Variants in SMYD3 observed in about 807,000 individuals in gnomAD.
SMYD3 encodes SET and MYND domain containing 3, also known as histone-lysine N-methyltransferase SMYD3.
SMYD3 carries 36 observed loss-of-function variants against 57.7 expected under a neutral mutation model. That is an observed-to-expected ratio of 0.62 (90% CI 0.48 to 0.82). The LOEUF (loss-of-function observed/expected upper bound fraction) is 0.82. Among genes scored for constraint, SMYD3 ranks in the 40% least tolerant of loss-of-function variants. The pLI is 0.00. For missense variants in SMYD3, 515 were observed against 538.8 expected (o/e 0.96, Z 0.44); for synonymous variants, 211 against 195.0 (o/e 1.08, Z -0.68).
chr1:246,282,772 A>G (rs1278627223), intron 5 of SMYD3, among the ~76,000 whole-genome samples: 1 of 152,212 alleles, frequency 6.6e-6, no homozygotes, highest in Non-Finnish European at 1.5e-5. Flanking sequence ...TGTTATGGGG[A>G]AAAATGATAA....
intron 5 of SMYD3, among the ~76,000 whole-genome samples, chr1:246,307,679 A>C (rs1038240961): frequency 6.6e-6 from 1 of 152,036 alleles, no homozygotes; most frequent in Non-Finnish European, 1.5e-5. Flanking sequence ...TCGGCCTCCC[A>C]AAGTGCTGGG....
intron 1 of SMYD3, among the ~76,000 whole-genome samples, chr1:246,434,181 TTC>T (rs2067336790): frequency 6.6e-6 from 1 of 152,214 alleles, no homozygotes; most frequent in Non-Finnish European, 1.5e-5. Context: ...AAAACCATTC[TTC>T]TAAAGGATTG....
intron 5 of SMYD3, among the ~76,000 whole-genome samples, chr1:246,255,894 T>C (rs2063876824): frequency 6.6e-6 from 1 of 150,920 alleles, no homozygotes; most frequent in Admixed American, 6.6e-5. Context: ...GTGTGTGTAT[T>C]AGTCAGGGTT....
chr1:245,948,773 CA>C (rs1167075660), intron 5 of SMYD3, among the ~76,000 whole-genome samples: 1 of 152,170 alleles, frequency 6.6e-6, no homozygotes, highest in East Asian at 1.9e-4. Context: ...GCCCCAGCAG[CA>C]AGGCCACCAT....
intron 5 of SMYD3, among the ~76,000 whole-genome samples, chr1:246,233,538 C>T: frequency 7.2e-6 from 1 of 139,504 alleles, no homozygotes; most frequent in Non-Finnish European, 1.6e-5. Flanking sequence ...GAGAAGCACT[C>T]CTTCAATCCA....
At chr1:245,802,903 C>G (rs1472083786) in intron 10 of SMYD3, among the ~76,000 whole-genome samples, 2 of 152,194 alleles carry the variant, frequency 1.3e-5, no homozygotes, top group African/African-American at 4.8e-5. Context: ...ATCAGATCAC[C>G]TTTAAAGTCT....
At chr1:246,279,246 C>T (rs1436498875) in intron 5 of SMYD3, among the ~76,000 whole-genome samples, 1 of 152,168 alleles carries the variant, frequency 6.6e-6, no homozygotes, top group Admixed American at 6.5e-5. Flanking sequence ...ACCAGCCGGG[C>T]GCGGTGGCTC....
rs75529058 is a variant in SMYD3 at position 246,324,772 on chromosome 1, A to T, written c.531+2429T>A. Among the ~76,000 whole-genome samples the T allele has an allele frequency of 0.018, 2,657 of 151,446 alleles. 184 individuals are homozygous for T. The East Asian group carries it at 0.19, about 11-fold the overall frequency. On this transcript the variant is annotated intron_variant, in intron 5 of 11. Transcript: ENST00000490107. Reference sequence around the variant, plus strand: ...TGGTGCCCGTTTCTTCTCTTTGATTAATTAATTTTATACCAGAGTAAAATG... The same window carrying T: ...TGGTGCCCGTTTCTTCTCTTTGATTTATTAATTTTATACCAGAGTAAAATG...
chr1:246,331,603 ATAATCTACCTTC>A (rs1256692428), intron 3 of SMYD3, among the ~76,000 whole-genome samples: 1 of 152,230 alleles, frequency 6.6e-6, no homozygotes, highest in Non-Finnish European at 1.5e-5. Context: ...ACTCCCTGGA[ATAATCTACCTTC>A]TACATTAACA....
At chr1:246,072,297 G>A (rs1286112683) in intron 5 of SMYD3, among the ~76,000 whole-genome samples, 27 of 143,982 alleles carry the variant, frequency 1.9e-4, no homozygotes, top group African/African-American at 6.0e-4. Flanking sequence ...CATCGTGTTA[G>A]TTCTGGGGAG....
chr1:246,019,858 T>C (rs1377582293), intron 5 of SMYD3, among the ~76,000 whole-genome samples: 25 of 152,218 alleles, frequency 1.6e-4, no homozygotes, highest in Admixed American at 1.6e-3. Flanking sequence ...TGTTGCTTTC[T>C]TGGAACTCAG....
chr1:245,980,693 C>CA (rs1240371918), intron 5 of SMYD3, among the ~76,000 whole-genome samples: 7 of 152,254 alleles, frequency 4.6e-5, no homozygotes, highest in Non-Finnish European at 8.8e-5. Context: ...AACTCTGCAA[C>CA]AGGCAGCAAA....
intron 5 of SMYD3, among the ~76,000 whole-genome samples, chr1:245,946,206 A>G (rs1327351912): frequency 6.6e-6 from 1 of 152,200 alleles, no homozygotes. Flanking sequence ...AGAGCCAGAA[A>G]GGAGATACAG....
intron 5 of SMYD3, among the ~76,000 whole-genome samples, chr1:246,088,271 CTCTT>C (rs1011192555): frequency 3.9e-5 from 6 of 152,038 alleles, no homozygotes; most frequent in African/African-American, 1.4e-4. Context: ...CTCCTTCTTT[CTCTT>C]TCTTTCTCTC....
At chr1:246,155,949 T>C (rs886282614) in intron 5 of SMYD3, among the ~76,000 whole-genome samples, 4 of 152,018 alleles carry the variant, frequency 2.6e-5, no homozygotes, top group African/African-American at 9.7e-5. Flanking sequence ...ATTGTGCCAC[T>C]GTACTCCAGC....
chr1:246,222,313 A>G lies in SMYD3; in HGVS notation c.531+104888T>C, dbSNP rs542993864. On this transcript the variant is annotated intron_variant, in intron 5 of 11. Coordinates refer to ENST00000490107, the MANE Select transcript of SMYD3 (RefSeq NM_001167740.2). Reference sequence around the variant, plus strand: ...CATAGCTCTAAGAAATAGATATTACAGGTATTATTACGGACTTTATTATCG... The same window carrying G: ...CATAGCTCTAAGAAATAGATATTACGGGTATTATTACGGACTTTATTATCG... 5.3e-5 allele frequency among the ~76,000 whole-genome samples: 8 copies of G among 152,298 alleles called. No individual in the cohort carries two copies. The East Asian group carries it at 1.5e-3, about 29-fold the overall frequency.
At chr1:245,945,889 C>T (rs2057413167) in intron 5 of SMYD3, among the ~76,000 whole-genome samples, 1 of 152,160 alleles carries the variant, frequency 6.6e-6, no homozygotes, top group Non-Finnish European at 1.5e-5. Context: ...CATGTTCTCA[C>T]TTATAAGTGG....
At chr1:245,987,544 T>C (rs1373216636) in intron 5 of SMYD3, among the ~76,000 whole-genome samples, 1 of 152,260 alleles carries the variant, frequency 6.6e-6, no homozygotes, top group Non-Finnish European at 1.5e-5. Flanking sequence ...AACTTTTCCA[T>C]GTTCTTCCAG....
At chr1:246,357,391 C>T (rs1210188425) in intron 1 of SMYD3, among the ~76,000 whole-genome samples, 7 of 152,246 alleles carry the variant, frequency 4.6e-5, no homozygotes, top group Middle Eastern at 6.8e-3. Context: ...GCCATGGCAA[C>T]GTCAGGAAGT....
Sources: gnomAD v4.1 joint callset for allele counts (sites outside exome capture counted in the v4.1 genomes callset) on GRCh38, gnomAD v4.1.1 for gene constraint, MANE v1.5 for transcripts, NCBI Gene and HGNC (gene_info 2026-07-23, HGNC 2026-07-21) for gene names.